UNC13B: variants seen among roughly 807,000 people sequenced by gnomAD.
UNC13B encodes protein unc-13 homolog B.
In UNC13B, 144 loss-of-function variants were observed where a neutral mutation model predicts 211.0. That is an observed-to-expected ratio of 0.68 (90% confidence interval 0.60 to 0.78). The LOEUF is 0.78. UNC13B is among the 30% of genes least tolerant of loss of function. The pLI is 0.00. For synonymous variants in UNC13B, 709 were observed against 725.8 expected (o/e 0.98, Z 0.37); for missense variants, 1,777 against 2,002.0 (o/e 0.89, Z 2.14).
At chr9:35,227,701 T>G (rs530677289) in intron 1 of UNC13B, 43 of 272,568 alleles carry the variant, frequency 1.6e-4, no homozygotes, top group Middle Eastern at 1.2e-3. Flanking sequence ...GGAACATTTG[T>G]AACTTAAACT....
At chr9:35,322,520 A>G (rs1047571746) in intron 11 of UNC13B, among the ~76,000 whole-genome samples, 1 of 152,178 alleles carries the variant, frequency 6.6e-6, no homozygotes, top group Admixed American at 6.5e-5. Flanking sequence ...TAAATGGAGC[A>G]GTCTCAGGAG....
At chr9:35,390,854 A>G (rs959589873) in intron 26 of UNC13B, 140 bp downstream of exon 26, 2 of 856,046 alleles carry the variant, frequency 2.3e-6, no homozygotes, top group Non-Finnish European at 3.5e-6. Flanking sequence ...GCCTAGTGGG[A>G]TGTAGGCCCC....
intron 24 of UNC13B, among the ~76,000 whole-genome samples, chr9:35,388,173 C>T (rs1005555649): frequency 7.2e-5 from 11 of 152,084 alleles, no homozygotes; most frequent in Admixed American, 3.3e-4. Context: ...TTTGGGAAGC[C>T]GGGGCGGGTG....
At position 35,371,248 on chromosome 9, in the gene UNC13B, G is replaced by A. The variant is rs1250760693; in HGVS notation, c.9540+852G>A. Among the ~76,000 whole-genome samples, 6 of 151,640 alleles carry A rather than the reference G, an allele frequency of 4.0e-5. No homozygotes were observed. In the South Asian group the frequency reaches 1.0e-3, roughly 26 times the overall value. ...CTAGTTTCTCCCTCCTTAGTTGACC[G>A]AATGAAAGTATCATCTGCCATTTTC... On this transcript the variant is annotated intron_variant, in intron 13 of 39. Transcript: ENST00000635942.
chr9:35,372,387 T>A (rs547923411), intron 13 of UNC13B, among the ~76,000 whole-genome samples: 2 of 152,364 alleles, frequency 1.3e-5, no homozygotes, highest in African/African-American at 4.8e-5. Flanking sequence ...CCTCTGCCTT[T>A]AGGAAACCAT....
At chr9:35,249,494 C>T (rs10972402) in intron 6 of UNC13B, among the ~76,000 whole-genome samples, 8,305 of 152,152 alleles carry the variant, frequency 0.055, 434 homozygotes, top group East Asian at 0.3. Context: ...TGGCTGGTAC[C>T]GGTTGTTCCT....
At chr9:35,350,870 A>G (rs1249939570) in intron 11 of UNC13B, among the ~76,000 whole-genome samples, 2 of 152,252 alleles carry the variant, frequency 1.3e-5, no homozygotes, top group Admixed American at 1.3e-4. Context: ...GAAAAGAAAG[A>G]AAGAAAGAAA....
intron 6 of UNC13B, among the ~76,000 whole-genome samples, chr9:35,254,683 AT>A (rs1826714628): frequency 6.6e-6 from 1 of 151,482 alleles, no homozygotes; most frequent in Non-Finnish European, 1.5e-5. Context: ...TCACATTACT[AT>A]TATAAGTAAA....
chr9:35,339,641 G>A (rs115135938), intron 11 of UNC13B, among the ~76,000 whole-genome samples: 72 of 152,386 alleles, frequency 4.7e-4, no homozygotes, highest in African/African-American at 1.5e-3. Context: ...AGCTGCATGA[G>A]CTCTCCTGTG....
intron 1 of UNC13B, among the ~76,000 whole-genome samples, chr9:35,198,355 A>T (rs1823061967): frequency 6.6e-6 from 1 of 152,116 alleles, no homozygotes; most frequent in Admixed American, 6.5e-5. Context: ...CTGGCCATGT[A>T]ATATGCGCCT....
At chr9:35,255,030 A>G (rs924045902) in intron 6 of UNC13B, among the ~76,000 whole-genome samples, 9 of 119,992 alleles carry the variant, frequency 7.5e-5, no homozygotes, top group Non-Finnish European at 1.5e-4. Context: ...TATATATAAT[A>G]TAATATATAT....
chr9:35,322,451 A>T (rs1332966399), intron 11 of UNC13B, among the ~76,000 whole-genome samples: 8 of 152,148 alleles, frequency 5.3e-5, no homozygotes, highest in Admixed American at 5.2e-4. Flanking sequence ...AAGAAAGCTG[A>T]GGAAGGAGAG....
chr9:35,387,008 C>A (rs1365743177), intron 24 of UNC13B, among the ~76,000 whole-genome samples: 1 of 152,186 alleles, frequency 6.6e-6, no homozygotes, highest in Admixed American at 6.5e-5. Context: ...AGAGTGGATT[C>A]CCTTCAGTCC....
At chr9:35,385,595 T>G in intron 22 of UNC13B, 129 bp from the exon 23 acceptor site, 1 of 1,424,456 alleles carries the variant, frequency 7.0e-7, no homozygotes, top group Non-Finnish European at 9.2e-7. Flanking sequence ...TTTACAGTGT[T>G]TTTGGCCAGC....
chr9:35,295,582 C>A, intron 7 of UNC13B, 114 bp from the exon 8 acceptor site: 1 of 939,114 alleles, frequency 1.1e-6, no homozygotes, highest in South Asian at 1.6e-5. Context: ...ATGTGAAGCT[C>A]AGCTTGCTTT....
chr9:35,173,704 G>A (rs1821456665), intron 1 of UNC13B, among the ~76,000 whole-genome samples: 1 of 152,240 alleles, frequency 6.6e-6, no homozygotes, highest in East Asian at 1.9e-4. Flanking sequence ...GATTACAGGC[G>A]TGAGCCACTG....
Position 35,259,029 on chromosome 9 carries a change from C to A in UNC13B, c.505C>A (p.Pro169Thr). ...SQEESQRKPL[P>T]TAAAQCSFED... Reference sequence around the variant, plus strand: ...AGAAGAAAGCCAGAGGAAGCCATTGCCCACTGCTGCCGCCCAGTGTTGTAA... The same window carrying A: ...AGAAGAAAGCCAGAGGAAGCCATTGACCACTGCTGCCGCCCAGTGTTGTAA... The change falls in exon 7 of 40, where the codon CCC (proline) becomes ACC (threonine). Residue 169 changes from proline (P) to threonine (T), a missense_variant. Coordinates refer to ENST00000635942, the MANE Select transcript of UNC13B (RefSeq NM_001371189.2). The A allele has an allele frequency of 6.2e-7, 1 of 1,613,846 alleles. No homozygotes were observed. The highest frequency in any genetic ancestry group is 8.5e-7 in the Non-Finnish European group (1 of 1,179,928).
intron 1 of UNC13B, among the ~76,000 whole-genome samples, chr9:35,223,987 C>T (rs1824701608): frequency 2.0e-5 from 3 of 152,104 alleles, no homozygotes; most frequent in African/African-American, 4.8e-5. Context: ...TCTGGGTTCT[C>T]TATTCTATTC....
intron 11 of UNC13B, among the ~76,000 whole-genome samples, chr9:35,356,445 C>A (rs1226872375): frequency 2.0e-5 from 3 of 151,954 alleles, no homozygotes; most frequent in Non-Finnish European, 4.4e-5. Flanking sequence ...AAATTCAATT[C>A]TTTTATTCCT....
Sources: gnomAD v4.1 joint callset for allele counts (sites outside exome capture counted in the v4.1 genomes callset) on GRCh38, gnomAD v4.1.1 for gene constraint, MANE v1.5 for transcripts, NCBI Gene and HGNC (gene_info 2026-07-23, HGNC 2026-07-21) for gene names.